Variants in PDE10A observed in about 807,000 individuals in gnomAD.
PDE10A encodes the protein cAMP and cAMP-inhibited cGMP 3',5'-cyclic phosphodiesterase 10A.
Under a neutral mutation model 97.7 loss-of-function variants are expected in PDE10A, and 39 were observed. The ratio of observed to expected loss-of-function variants is 0.40; its 90% CI spans 0.31 to 0.52. The LOEUF (loss-of-function observed/expected upper bound fraction) is 0.52, where lower values mean the gene tolerates loss of function less well. PDE10A is among the 20% of genes least tolerant of loss of function. The pLI is 0.56. For synonymous variants in PDE10A, 371 were observed against 376.8 expected, an observed-to-expected ratio of 0.98 and a Z score of 0.18; for missense variants, 731 against 1,047.8, an observed-to-expected ratio of 0.70 and a Z score of 4.17.
At chr6:165,706,344 T>A (rs755039022) in intron 1 of PDE10A, among the ~76,000 whole-genome samples, 3 of 152,202 alleles carry the variant, frequency 2.0e-5, no homozygotes, top group Non-Finnish European at 4.4e-5. Flanking sequence ...TTCCTAGATA[T>A]CTCAGTATCA....
chr6:165,580,047 A>G (rs1785526399), intron 1 of PDE10A, among the ~76,000 whole-genome samples: 1 of 152,154 alleles, frequency 6.6e-6, no homozygotes, highest in Admixed American at 6.5e-5. Context: ...TACATAATTT[A>G]CTTTTATTTG....
intron 1 of PDE10A, among the ~76,000 whole-genome samples, chr6:165,732,913 C>G (rs1021289091): frequency 3.9e-5 from 6 of 152,208 alleles, no homozygotes; most frequent in African/African-American, 4.8e-5. Context: ...GGCTCTCCTT[C>G]GCGTGCTGGT....
intron 2 of PDE10A, among the ~76,000 whole-genome samples, chr6:165,489,706 G>A (rs1780115944): frequency 6.6e-6 from 1 of 152,014 alleles, no homozygotes; most frequent in Non-Finnish European, 1.5e-5. Context: ...AATGACACAG[G>A]ATATCAATGG....
Position 165,661,846 on chromosome 6 carries a change from C to T in PDE10A, c.865+101G>A. 2 of 628,328 alleles carry T rather than the reference C, an allele frequency of 3.2e-6. No homozygotes were observed. The highest frequency in any genetic ancestry group is 5.8e-6 in the Non-Finnish European group (2 of 346,288). The allele number at this position is 628,328 out of a possible 1,614,324, so 38.9% of individuals were successfully genotyped here. ...GCTCCACGCCCGGGCACGGGCACCT[C>T]GCTCGACACCCGCTTCCCACCCAGC... On this transcript the variant is annotated intron_variant, in intron 1 of 21. Transcript: ENST00000539869. The surrounding 1 kb of genome is among the most constrained non-coding windows in gnomAD (Gnocchi z 4.8).
intron 1 of PDE10A, among the ~76,000 whole-genome samples, chr6:165,860,633 G>A (rs1181778858): frequency 6.6e-6 from 1 of 152,182 alleles, no homozygotes; most frequent in Non-Finnish European, 1.5e-5. Context: ...GTCCACAAAA[G>A]AGCAAAAGCA....
chr6:165,374,459 T>C (rs1460372659), intron 18 of PDE10A, among the ~76,000 whole-genome samples: 3 of 151,772 alleles, frequency 2.0e-5, no homozygotes, highest in Non-Finnish European at 2.9e-5. Flanking sequence ...GAATAAAAGC[T>C]GATATATAAA....
At chr6:165,769,727 C>T (rs1460959485) in intron 1 of PDE10A, among the ~76,000 whole-genome samples, 2 of 152,206 alleles carry the variant, frequency 1.3e-5, no homozygotes, top group Non-Finnish European at 2.9e-5. Context: ...ACGCATCTGA[C>T]ATCTAAACCA....
chr6:165,856,486 T>C (rs935195598), intron 1 of PDE10A, among the ~76,000 whole-genome samples: 2 of 152,202 alleles, frequency 1.3e-5, no homozygotes, highest in African/African-American at 4.8e-5. Flanking sequence ...GTGTGACTTT[T>C]TGATGTCGTC....
At chr6:165,416,435 G>A (rs1373648319) in intron 11 of PDE10A, among the ~76,000 whole-genome samples, 154 bp from the exon 12 acceptor site, 1 of 152,116 alleles carries the variant, frequency 6.6e-6, no homozygotes, top group Non-Finnish European at 1.5e-5. Context: ...ATCACCTTAT[G>A]AAGTACGTAA....
chr6:165,814,124 CA>C (rs1779349409), intron 1 of PDE10A, among the ~76,000 whole-genome samples: 1 of 152,140 alleles, frequency 6.6e-6, no homozygotes, highest in Non-Finnish European at 1.5e-5. Flanking sequence ...ATTACCATTT[CA>C]AAATGCAACA....
chr6:165,421,394 G>T (rs1788683087), intron 10 of PDE10A, among the ~76,000 whole-genome samples: 1 of 152,200 alleles, frequency 6.6e-6, no homozygotes, highest in Non-Finnish European at 1.5e-5. Context: ...AGTGAGCCAT[G>T]ACTGAGCCAC....
intron 1 of PDE10A, among the ~76,000 whole-genome samples, chr6:165,951,844 A>G (rs144704404): frequency 1.3e-5 from 2 of 152,268 alleles, no homozygotes; most frequent in South Asian, 2.1e-4. Context: ...TATTCATTCA[A>G]CAAGCTTTTA....
At position 165,779,926 on chromosome 6, in the gene PDE10A, G is replaced by A. The variant is rs945270992; in HGVS notation, c.-615+207603C>T. On this transcript the variant is annotated intron_variant, in intron 1 of 19. Transcript: ENST00000366882. ...GCCAACCCACTCTTCAATTCACTCCGCTGGGCCACGAATGGTTGGAGAGCA... is the reference window on the plus strand; with the variant it reads ...GCCAACCCACTCTTCAATTCACTCCACTGGGCCACGAATGGTTGGAGAGCA... Among the ~76,000 whole-genome samples, 7 of 152,236 alleles carry A rather than the reference G, an allele frequency of 4.6e-5. No homozygotes were observed. In the South Asian group the frequency reaches 8.3e-4, roughly 18 times the overall value.
At chr6:165,468,352 C>T (rs775634603) in intron 3 of PDE10A, among the ~76,000 whole-genome samples, 54 of 151,712 alleles carry the variant, frequency 3.6e-4, no homozygotes, top group Non-Finnish European at 6.0e-4. Context: ...CCTCCAAAAG[C>T]GCTGGGATTA....
intron 3 of PDE10A, among the ~76,000 whole-genome samples, chr6:165,475,938 T>C (rs887324119): frequency 2.0e-5 from 3 of 152,198 alleles, no homozygotes; most frequent in African/African-American, 7.2e-5. Context: ...TCCACAACTC[T>C]AGTTTCCTCG....
rs375599504 is a variant in PDE10A at position 165,854,742 on chromosome 6, C to T, written c.-615+132787G>A. On this transcript the variant is annotated intron_variant, in intron 1 of 19. Coordinates refer to the PDE10A transcript ENST00000366882. ...GCCTGGCCTGAGCCCGGGAGGGACG[C>T]GGGGTCCGGGAGGAGGGCAGCTGCC... Among the ~76,000 whole-genome samples, 7 of 152,288 alleles carry T rather than the reference C, an allele frequency of 4.6e-5. No homozygotes were observed. In the East Asian group the frequency reaches 9.7e-4, roughly 21 times the overall value.
In PDE10A at chr6:165,396,605, A is replaced by C. The variant is rs545456770; in HGVS notation, c.2077-146T>G. 5.5e-6 allele frequency: 4 copies of C among 726,102 alleles called. No individual in the cohort carries two copies. The East Asian group carries it at 1.1e-4, about 20-fold the overall frequency. 45.0% of individuals were successfully genotyped at this position (726,102 alleles called of 1,614,324 possible). On this transcript the variant is annotated intron_variant, in intron 13 of 21. Coordinates refer to ENST00000539869, the MANE Select transcript of PDE10A (RefSeq NM_001385079.1). ...TATTATTATCCGTATTTCCATATGCACTGGGATGTGCAGACATGACTTTGC... is the reference window on the plus strand; with the variant it reads ...TATTATTATCCGTATTTCCATATGCCCTGGGATGTGCAGACATGACTTTGC...
chr6:165,383,250 G>A lies in PDE10A; in HGVS notation c.2611-3884C>T, dbSNP rs115317919. Among the ~76,000 whole-genome samples the A allele has an allele frequency of 5.2e-3, 793 of 152,106 alleles. 6 individuals carry two copies. The highest frequency in any genetic ancestry group is 0.018 in the African/African-American group (763 of 41,476). Reference sequence around the variant, plus strand: ...TTGACTATTTTTAAAGTCAAAATGGGCTATTAAAAAAGGCAAAGAAAAAGT... The same window carrying A: ...TTGACTATTTTTAAAGTCAAAATGGACTATTAAAAAAGGCAAAGAAAAAGT... On this transcript the variant is annotated intron_variant, in intron 17 of 21. Transcript: ENST00000539869.
At chr6:165,616,086 TTTTTCC>T (rs1256737292) in intron 1 of PDE10A, among the ~76,000 whole-genome samples, 4 of 152,304 alleles carry the variant, frequency 2.6e-5, no homozygotes, top group South Asian at 4.1e-4. Flanking sequence ...CTAATTCCTC[TTTTTCC>T]TTTTCAAGTT....
Sources: gnomAD v4.1 joint callset for allele counts (sites outside exome capture counted in the v4.1 genomes callset) on GRCh38, gnomAD v4.1.1 for gene constraint, Gnocchi (gnomAD v3.1) non-coding constraint, MANE v1.5 for transcripts, NCBI Gene and HGNC (gene_info 2026-07-23, HGNC 2026-07-21) for gene names.